The following CDH18 variants were observed in gnomAD, a reference collection of about 807,000 sequenced individuals.
CDH18 encodes cadherin-18.
CDH18 carries 31 observed loss-of-function variants against 67.9 expected under a neutral mutation model. That is an observed-to-expected ratio of 0.46 (90% CI 0.34 to 0.62). The LOEUF (loss-of-function observed/expected upper bound fraction) is 0.62, where lower values mean the gene tolerates loss of function less well. Among genes scored for constraint, CDH18 ranks in the 20% least tolerant of loss-of-function variants. The pLI is 0.01. For missense variants in CDH18, 890 were observed against 975.5 expected (o/e 0.91, Z 1.17); for synonymous variants, 362 against 347.2 (o/e 1.04, Z -0.48).
At chr5:19,833,889 T>A (rs947883948) in intron 3 of CDH18, among the ~76,000 whole-genome samples, 1 of 143,122 alleles carries the variant, frequency 7.0e-6, no homozygotes, top group African/African-American at 2.7e-5. Context: ...TTTGGGTGAG[T>A]AAGTTTTTTG....
chr5:20,424,745 T>TTAAA (rs1748150654), intron 1 of CDH18, among the ~76,000 whole-genome samples: 1 of 42,910 alleles, frequency 2.3e-5, no homozygotes, highest in Non-Finnish European at 3.7e-5. Flanking sequence ...AGACTCTGTC[T>TTAAA]AAAAAAAAAA....
intron 2 of CDH18, among the ~76,000 whole-genome samples, chr5:20,205,861 AG>A (rs1049197301): frequency 6.6e-6 from 1 of 151,884 alleles, no homozygotes; most frequent in African/African-American, 2.4e-5. Flanking sequence ...CAGTACTAAG[AG>A]GGAAGTTTAT....
intron 2 of CDH18, among the ~76,000 whole-genome samples, chr5:20,127,833 C>A (rs1748955683): frequency 6.6e-6 from 1 of 152,082 alleles, no homozygotes; most frequent in Non-Finnish European, 1.5e-5. Flanking sequence ...AAGTAAATAT[C>A]ATGTCATGTG....
At chr5:20,249,440 T>G (rs1187751933) in intron 2 of CDH18, among the ~76,000 whole-genome samples, 1 of 148,902 alleles carries the variant, frequency 6.7e-6, no homozygotes, top group Non-Finnish European at 1.5e-5. Flanking sequence ...TGCAGTTCAG[T>G]GGCGCGATAT....
At chr5:20,551,888 CTA>C (rs1024397406) in intron 1 of CDH18, among the ~76,000 whole-genome samples, 8 of 152,014 alleles carry the variant, frequency 5.3e-5, no homozygotes, top group African/African-American at 1.9e-4. Flanking sequence ...CTTAGTTAAT[CTA>C]TATCTCTTTA....
intron 2 of CDH18, among the ~76,000 whole-genome samples, chr5:19,840,345 A>G (rs183561241): frequency 6.6e-6 from 1 of 152,086 alleles, no homozygotes; most frequent in Admixed American, 6.6e-5. Context: ...ATGATTGGGC[A>G]ACAAAGTAAA....
chr5:19,699,686 C>T (rs1453581699), intron 5 of CDH18, among the ~76,000 whole-genome samples: 1 of 151,246 alleles, frequency 6.6e-6, no homozygotes, highest in Admixed American at 6.6e-5. Flanking sequence ...TCATCTCTCT[C>T]TCTGCCATGT....
At chr5:19,566,693 T>C (rs1181453014) in intron 8 of CDH18, among the ~76,000 whole-genome samples, 2 of 152,032 alleles carry the variant, frequency 1.3e-5, no homozygotes, top group African/African-American at 4.8e-5. Context: ...GTGGGAATTA[T>C]GGGAGATACA....
intron 2 of CDH18, among the ~76,000 whole-genome samples, chr5:20,024,235 T>C (rs1738689052): frequency 1.3e-5 from 2 of 152,208 alleles, no homozygotes; most frequent in Admixed American, 6.5e-5. Flanking sequence ...TAAATATTTG[T>C]TTGGCCAAAA....
At chr5:19,843,233 TGGGCCA>T (rs1782545188) in intron 2 of CDH18, among the ~76,000 whole-genome samples, 1 of 152,182 alleles carries the variant, frequency 6.6e-6, no homozygotes, top group African/African-American at 2.4e-5. Context: ...AATGGTTTCC[TGGGCCA>T]GGCCCAGTGC....
intron 2 of CDH18, among the ~76,000 whole-genome samples, chr5:20,169,959 T>G (rs1046153761): frequency 6.6e-6 from 1 of 152,064 alleles, no homozygotes; most frequent in Non-Finnish European, 1.5e-5. Flanking sequence ...AAACAATAAG[T>G]TTTTAAAGTA....
intron 2 of CDH18, among the ~76,000 whole-genome samples, chr5:20,194,224 T>C (rs1435820250): frequency 1.3e-5 from 2 of 152,106 alleles, no homozygotes; most frequent in Non-Finnish European, 2.9e-5. Flanking sequence ...AACCCCATCA[T>C]CTCAGCCCCA....
intron 1 of CDH18, among the ~76,000 whole-genome samples, chr5:20,555,568 C>G (rs2126633091): frequency 6.6e-6 from 1 of 151,892 alleles, no homozygotes; most frequent in East Asian, 1.9e-4. Context: ...CCTCAGCCTC[C>G]CAAGTAGCTG....
chr5:20,459,786 G>C (rs1350777082), intron 1 of CDH18, among the ~76,000 whole-genome samples: 1 of 152,130 alleles, frequency 6.6e-6, no homozygotes, highest in Admixed American at 6.5e-5. Context: ...AAAGCATAGA[G>C]GTAGGAGAGT....
chr5:20,134,707 C>A (rs1749553900), intron 2 of CDH18, among the ~76,000 whole-genome samples: 1 of 152,040 alleles, frequency 6.6e-6, no homozygotes, highest in South Asian at 2.1e-4. Context: ...CCTCTATTAT[C>A]TTTGTGTTTT....
At chr5:20,389,544 A>G (rs1210905431) in intron 1 of CDH18, among the ~76,000 whole-genome samples, 5 of 151,996 alleles carry the variant, frequency 3.3e-5, no homozygotes, top group Admixed American at 6.6e-5. Flanking sequence ...CATTTAGCCC[A>G]GAAAATGGCC....
intron 2 of CDH18, among the ~76,000 whole-genome samples, chr5:20,016,906 CA>C (rs1737928120): frequency 6.6e-6 from 1 of 152,042 alleles, no homozygotes; most frequent in Admixed American, 6.6e-5. Flanking sequence ...AACAGCAATT[CA>C]AAAGTACCAT....
At chr5:20,564,645 C>T (rs1267603981) in intron 1 of CDH18, among the ~76,000 whole-genome samples, 1 of 152,126 alleles carries the variant, frequency 6.6e-6, no homozygotes, top group Non-Finnish European at 1.5e-5. Context: ...TCTTTATTGT[C>T]TGTTCCCTTT....
At chr5:20,538,716 T>C (rs1756864200) in intron 1 of CDH18, among the ~76,000 whole-genome samples, 1 of 152,102 alleles carries the variant, frequency 6.6e-6, no homozygotes, top group African/African-American at 2.4e-5. Context: ...TTAATATAAA[T>C]GAATCTTAAG....
Sources: gnomAD v4.1 joint callset for allele counts (sites outside exome capture counted in the v4.1 genomes callset) on GRCh38, gnomAD v4.1.1 for gene constraint, MANE v1.5 for transcripts, NCBI Gene and HGNC (gene_info 2026-07-23, HGNC 2026-07-21) for gene names.